STAT4: variants seen among roughly 807,000 people sequenced by gnomAD.
STAT4 encodes the protein signal transducer and activator of transcription 4.
In STAT4, 42 loss-of-function variants were observed where a neutral mutation model predicts 110.5. The observed-to-expected ratio is 0.38, with a 90% CI of 0.30 to 0.49. STAT4 has a LOEUF of 0.49. Ranked by LOEUF, STAT4 falls within the 20% of genes least tolerant of loss-of-function variation. The pLI, the probability that STAT4 is intolerant of heterozygous loss-of-function variation, is 0.95. For synonymous variants in STAT4, 284 were observed against 302.2 expected (o/e 0.94, Z 0.63); for missense variants, 632 against 887.9 (o/e 0.71, Z 3.66).
chr2:191,078,082 T>G (rs1044530922), intron 3 of STAT4, among the ~76,000 whole-genome samples: 1 of 115,870 alleles, frequency 8.6e-6, no homozygotes, highest in African/African-American at 2.7e-5. Flanking sequence ...CTCAATTTAT[T>G]TTAATATTAT....
In STAT4 at chr2:191,089,420, G is replaced by A. The variant is rs530777516; in HGVS notation, c.274-13095C>T. ...CACTGATCACACCAAATGTTGATGCGGATGTGGAGCAACAGAAACTTTCAT... is the reference window on the plus strand; with the variant it reads ...CACTGATCACACCAAATGTTGATGCAGATGTGGAGCAACAGAAACTTTCAT... On this transcript the variant is annotated intron_variant, in intron 3 of 23. Coordinates refer to ENST00000392320, the MANE Select transcript of STAT4 (RefSeq NM_003151.4). Among the ~76,000 whole-genome samples the A allele has an allele frequency of 3.5e-4, 53 of 152,300 alleles. 1 individual carries two copies. Among genetic ancestry groups the A allele is most frequent in the East Asian group, 1.5e-3 (8 of 5,192 alleles).
chr2:191,111,025 A>G (rs780441631), intron 3 of STAT4, among the ~76,000 whole-genome samples: 17 of 152,170 alleles, frequency 1.1e-4, no homozygotes, highest in Non-Finnish European at 2.2e-4. Context: ...AGCTCAGGTG[A>G]TCCACTTGCT....
chr2:191,096,471 A>C (rs1323100091), intron 3 of STAT4, among the ~76,000 whole-genome samples: 1 of 152,228 alleles, frequency 6.6e-6, no homozygotes, highest in African/African-American at 2.4e-5. Context: ...CAACATATGC[A>C]AATCGATAAA....
chr2:191,122,290 T>C (rs1698758286), intron 3 of STAT4, among the ~76,000 whole-genome samples: 1 of 147,154 alleles, frequency 6.8e-6, no homozygotes, highest in African/African-American at 2.5e-5. Flanking sequence ...AAAATTACAA[T>C]GATTTACCAC....
At chr2:191,141,952 T>C (rs7602468) in intron 3 of STAT4, among the ~76,000 whole-genome samples, 152,107 of 152,290 alleles carry the variant, frequency 1, 75,963 homozygotes, top group Middle Eastern at 1. Flanking sequence ...GGTGACAATG[T>C]AGAGAAAAAG....
Position 191,091,281 on chromosome 2 carries a change from C to T in STAT4, c.274-14956G>A, listed in dbSNP as rs887093867. ...ATGATTTTCTCTACATTGGCAATAA[C>T]CATCTAGAGCTAGAAATAAAAAATA... is the stretch of plus-strand genomic sequence containing the variant. On this transcript the variant is annotated intron_variant, in intron 3 of 23. Coordinates refer to ENST00000392320, the MANE Select transcript of STAT4 (RefSeq NM_003151.4). The surrounding 1 kb of genome is among the most constrained non-coding windows in gnomAD (Gnocchi z 5.4). Among the ~76,000 whole-genome samples the T allele has an allele frequency of 2.0e-5, 3 of 151,800 alleles. No homozygotes were observed. Among genetic ancestry groups the T allele is most frequent in the African/African-American group, 7.3e-5 (3 of 41,320 alleles).
At chr2:191,041,424 G>T (rs1254235065) in intron 14 of STAT4, 2 of 168,570 alleles carry the variant, frequency 1.2e-5, no homozygotes, top group Non-Finnish European at 2.5e-5. Flanking sequence ...TTGAAATTTA[G>T]ACAAGTTTTT....
At chr2:191,088,345 T>C (rs1192585787) in intron 3 of STAT4, among the ~76,000 whole-genome samples, 1 of 152,134 alleles carries the variant, frequency 6.6e-6, no homozygotes, top group East Asian at 1.9e-4. Context: ...AATACTTAGG[T>C]ATAAATCTAA....
chr2:191,055,331 T>C (rs1696651544), intron 13 of STAT4, among the ~76,000 whole-genome samples: 1 of 151,262 alleles, frequency 6.6e-6, no homozygotes, highest in Non-Finnish European at 1.5e-5. Flanking sequence ...CCAGAGTATC[T>C]GGGACTACAG....
intron 3 of STAT4, chr2:191,121,876 A>G (rs1417609680): frequency 6.6e-6 from 1 of 152,076 alleles, no homozygotes; most frequent in African/African-American, 2.4e-5. Context: ...ATGTATACAT[A>G]TGTAACAAAC....
At chr2:191,069,089 T>C (rs1697073052) in intron 6 of STAT4, among the ~76,000 whole-genome samples, 1 of 152,092 alleles carries the variant, frequency 6.6e-6, no homozygotes, top group Non-Finnish European at 1.5e-5. Flanking sequence ...TTATATACAA[T>C]ATGATTTCAT....
In STAT4 at chr2:191,127,681, T is replaced by G. The variant is rs545260602; in HGVS notation, c.273+18932A>C. ...AGTAGATAGCCATTGTACCCCAAAG[T>G]AAATCATATGAGCCCTACTTTTAAG... On this transcript the variant is annotated intron_variant, in intron 3 of 23. Transcript: ENST00000392320. Among the ~76,000 whole-genome samples the G allele has an allele frequency of 3.3e-5, 5 of 152,322 alleles. No individual in the cohort carries two copies. The South Asian group carries it at 1.0e-3, about 32-fold the overall frequency.
chr2:191,048,047 G>A (rs561393532), intron 14 of STAT4, among the ~76,000 whole-genome samples: 1 of 152,328 alleles, frequency 6.6e-6, no homozygotes, highest in African/African-American at 2.4e-5. Flanking sequence ...TATGGAACCT[G>A]TGTGTTCACC....
chr2:191,151,130 AC>A, upstream of STAT4: 1 of 985,278 alleles, frequency 1.0e-6, no homozygotes, highest in Non-Finnish European at 1.2e-6. This position sits in a 1 kb window ranked among gnomAD's most constrained non-coding sequence, Gnocchi z 4.7. Context: ...GTCAGTTCCC[AC>A]CCACTCTATT....
intron 6 of STAT4, among the ~76,000 whole-genome samples, chr2:191,068,885 T>G (rs1166427498): frequency 6.6e-6 from 1 of 152,092 alleles, no homozygotes; most frequent in East Asian, 1.9e-4. Context: ...GACTTGTAAA[T>G]GTTCTCTTCC....
rs1696136164 is a variant in STAT4 at position 191,039,683 on chromosome 2, C to G, written c.1336-386G>C. Among the ~76,000 whole-genome samples, 1 of 152,218 alleles carries G rather than the reference C, an allele frequency of 6.6e-6. No individual in the cohort carries two copies. The highest frequency in any genetic ancestry group is 2.4e-5 in the African/African-American group (1 of 41,448). The stretch of plus-strand genomic sequence containing the variant: ...AAAAGAATCTATTTTAAGTTTATCT[C>G]TGGAATGAATCAGTACCTTCAAATT... On this transcript the variant is annotated intron_variant, in intron 15 of 23. Transcript: ENST00000392320. The surrounding 1 kb of genome is among the most constrained non-coding windows in gnomAD (Gnocchi z 4.7).
intron 14 of STAT4, among the ~76,000 whole-genome samples, chr2:191,047,783 A>C (rs1393014552): frequency 6.6e-6 from 1 of 152,190 alleles, no homozygotes; most frequent in African/African-American, 2.4e-5. Flanking sequence ...CTCCTGCCTC[A>C]GCCTCCTGAG....
chr2:191,144,891 G>A lies in STAT4; in HGVS notation c.273+1722C>T, dbSNP rs1699423620. ...TGTTTACATTAAAAGATACAGGTCA[G>A]AAGATTAAGTGATTTGCTCAAAGCC... is the stretch of plus-strand genomic sequence containing the variant. On this transcript the variant is annotated intron_variant, in intron 3 of 23. Transcript: ENST00000392320. This position sits in a 1 kb window ranked among gnomAD's most constrained non-coding sequence, Gnocchi z 4.7. Among the ~76,000 whole-genome samples the A allele has an allele frequency of 1.3e-5, 2 of 152,182 alleles. No individual in the cohort carries two copies. Among genetic ancestry groups the A allele is most frequent in the South Asian group, 4.1e-4 (2 of 4,836 alleles).
Position 191,062,668 on chromosome 2 carries a change from C to CT in STAT4, c.941+93dup. ...TCTCCCTGAGGCTCGTTGTTGAATACTTCCCTGCCACTCTTCCACCTAAAC... is the reference window on the plus strand; with the variant it reads ...TCTCCCTGAGGCTCGTTGTTGAATACTTTCCCTGCCACTCTTCCACCTAAAC... On this transcript the variant is annotated intron_variant, in intron 9 of 23. Coordinates refer to ENST00000392320, the MANE Select transcript of STAT4 (RefSeq NM_003151.4). The surrounding 1 kb of genome is among the most constrained non-coding windows in gnomAD (Gnocchi z 4.9). The CT allele has an allele frequency of 7.1e-7, 1 of 1,410,852 alleles. No homozygotes were observed. The highest frequency in any genetic ancestry group is 2.0e-5 in the Admixed American group (1 of 49,414). The allele number at this position is 1,410,852 out of a possible 1,614,324, so 87.4% of individuals were successfully genotyped here. A position where few individuals can be genotyped will look rare whatever the true frequency, so the allele number is the denominator to read the frequency against.
Sources: allele counts gnomAD v4.1 joint callset (sites outside exome capture counted in the v4.1 genomes callset), GRCh38; gene constraint gnomAD v4.1.1; non-coding constraint Gnocchi (gnomAD v3.1); transcripts MANE v1.5; gene names NCBI Gene and HGNC (gene_info 2026-07-23, HGNC 2026-07-21).